Variants in PHKG2 observed in about 807,000 individuals in gnomAD.
PHKG2 encodes phosphorylase b kinase gamma catalytic chain, liver/testis isoform.
Under a neutral mutation model 44.5 loss-of-function variants are expected in PHKG2, and 28 were observed. The observed-to-expected ratio is 0.63, with a 90% CI of 0.47 to 0.86. The LOEUF (loss-of-function observed/expected upper bound fraction) is 0.86, where lower values mean the gene tolerates loss of function less well. Among genes scored for constraint, PHKG2 ranks in the 40% least tolerant of loss-of-function variants. The probability of loss-of-function intolerance (pLI) is 0.00; values close to 1 mark genes in which losing one functional copy is unlikely to be tolerated. For missense variants in PHKG2, 498 were observed against 547.5 expected (o/e 0.91, Z 0.90); for synonymous variants, 220 against 211.2 (o/e 1.04, Z -0.36).
intron 2 of PHKG2, among the ~76,000 whole-genome samples, chr16:30,749,169 G>C (rs878966100): frequency 0.026 from 1,332 of 50,978 alleles, 65 homozygotes; most frequent in Non-Finnish European, 0.042. Flanking sequence ...GGTGGTGGTG[G>C]TGCTGGTGGT....
At position 30,760,599 on chromosome 16, in the gene PHKG2, TC is replaced by T. The variant is rs1337733280; in HGVS notation, c.*3505del. On this transcript the variant is annotated 3_prime_UTR_variant, in exon 10 of 10. Coordinates refer to ENST00000563588, the MANE Select transcript of PHKG2 (RefSeq NM_000294.3). ...AGAGCTCTTCCCACGCCCCCCTCAG[TC>T]CCTACTCCCTCATCTCAGCATTGGT... The T allele has an allele frequency of 1.3e-6, 2 of 1,559,148 alleles. No individual in the cohort carries two copies. The highest frequency in any genetic ancestry group is 2.7e-5 in the African/African-American group (2 of 73,446).
chr16:30,751,045 C>G, intron 2 of PHKG2, 61 bp from the exon 3 acceptor site: 1 of 1,562,330 alleles, frequency 6.4e-7, no homozygotes, highest in Non-Finnish European at 8.8e-7. Flanking sequence ...GCTGAGGCCC[C>G]AGCCTGTGCG....
At position 30,761,174 on chromosome 16, in the gene PHKG2, T is replaced by A; in HGVS notation, c.*4077T>A. 2 of 1,612,892 alleles carry A rather than the reference T, an allele frequency of 1.2e-6. No homozygotes were observed. The highest frequency in any genetic ancestry group is 1.7e-6 in the Non-Finnish European group (2 of 1,179,254). On this transcript the variant is annotated 3_prime_UTR_variant, in exon 10 of 10. Coordinates refer to ENST00000563588, the MANE Select transcript of PHKG2 (RefSeq NM_000294.3). The stretch of plus-strand genomic sequence containing the variant: ...CAATAAAGAACGCAAATATTCAGTG[T>A]AATTTTTGTCTCTTCACACTCACCA...
In PHKG2 at chr16:30,757,706, TG is replaced by T. The variant is rs773295686; in HGVS notation, c.*615del. 2.4e-5 allele frequency: 38 copies of T among 1,554,344 alleles called. No individual in the cohort carries two copies. The highest frequency in any genetic ancestry group is 4.5e-5 in the East Asian group (2 of 43,960). On this transcript the variant is annotated 3_prime_UTR_variant, in exon 10 of 10. Coordinates refer to ENST00000563588, the MANE Select transcript of PHKG2 (RefSeq NM_000294.3). ...GGTGAGGAGAGATGCTGTCTGGCAA[TG>T]GGGGGATGGTCCCTAGTTGGGCAAA... is the stretch of plus-strand genomic sequence containing the variant.
chr16:30,760,200 C>G lies in PHKG2; in HGVS notation c.*3103C>G. ...ATGACATATTCCAGGCAGAAATCCC[C>G]TGCTTCTGCTTCCCATGGTCACTTG... is the stretch of plus-strand genomic sequence containing the variant. On this transcript the variant is annotated 3_prime_UTR_variant, in exon 10 of 10. Coordinates refer to ENST00000563588, the MANE Select transcript of PHKG2 (RefSeq NM_000294.3). 1 of 1,609,554 alleles carries G rather than the reference C, an allele frequency of 6.2e-7. No homozygotes were observed. Among genetic ancestry groups the G allele is most frequent in the Non-Finnish European group, 8.5e-7 (1 of 1,179,754 alleles).
chr16:30,749,243 C>CTGGTGCTGGTGGTGCTGG (rs1159281386), intron 2 of PHKG2, among the ~76,000 whole-genome samples: 231 of 109,968 alleles, frequency 2.1e-3, no homozygotes, highest in Non-Finnish European at 2.0e-3. Context: ...GGTGGTGGTG[C>CTGGTGCTGGTGGTGCTGG]TGGTGCTGGT....
In PHKG2 at chr16:30,751,152, C is replaced by G. The variant is rs202145162; in HGVS notation, c.142C>G (p.His48Asp). Reference sequence around the variant, plus strand: ...CCGTTGTGTTCATCGAGCTACTGGCCACGAGTTTGCGGTGAAGATTATGGA... The same window carrying G: ...CCGTTGTGTTCATCGAGCTACTGGCGACGAGTTTGCGGTGAAGATTATGGA... ...VRRCVHRATG[H>D]EFAVKIMEVT... The change falls in exon 3 of 10, where the codon CAC becomes GAC. Residue 48 changes from histidine (H) to aspartate (D), a missense_variant. Physicochemically the swap from His to Asp is moderately conservative, Grantham distance 81. Coordinates refer to ENST00000563588, the MANE Select transcript of PHKG2 (RefSeq NM_000294.3). 1 of 1,613,982 alleles carries G rather than the reference C, an allele frequency of 6.2e-7. No homozygotes were observed. The highest frequency in any genetic ancestry group is 8.5e-7 in the Non-Finnish European group (1 of 1,180,036).
rs1477697152 is a variant in PHKG2 at position 30,759,006 on chromosome 16, C to T, written c.*1909C>T. 6.2e-7 allele frequency: 1 copy of T among 1,614,222 alleles called. No homozygotes were observed. On this transcript the variant is annotated 3_prime_UTR_variant, in exon 10 of 10. Transcript: ENST00000563588. The stretch of plus-strand genomic sequence containing the variant: ...ACAGGGCAGCCTGCCCTCTCCAGAT[C>T]CTCACTTGGCTCTGGCTCTGGTGGG...
In PHKG2 at chr16:30,753,469, C is replaced by T. The variant is rs768174256; in HGVS notation, c.468C>T (p.Pro156=). The T allele has an allele frequency of 5.0e-6, 8 of 1,613,936 alleles. 1 individual carries two copies. The highest frequency in any genetic ancestry group is 3.3e-5 in the Admixed American group (2 of 59,976). Residue 156 remains proline, a synonymous_variant, in exon 6 of 10, where the codon CCC becomes CCT. Coordinates refer to ENST00000563588, the MANE Select transcript of PHKG2 (RefSeq NM_000294.3). ...ACATTGTGCATCGAGATCTGAAGCC[C>T]GAGAATATTCTCCTAGATGACAATA... ...ANNIVHRDLK[P]ENILLDDNMQ... is the part of the protein sequence containing the mutation.
chr16:30,751,086 C>T lies in PHKG2; in HGVS notation c.96-20C>T. On this transcript the variant is annotated intron_variant, in intron 2 of 9. Transcript: ENST00000563588. ...GTGAGCACAGAGGCCCTGACTTGTGCTATTTTCCGGCTCTTGCAGAGGAGT... is the reference window on the plus strand; with the variant it reads ...GTGAGCACAGAGGCCCTGACTTGTGTTATTTTCCGGCTCTTGCAGAGGAGT... The T allele has an allele frequency of 1.9e-6, 3 of 1,612,404 alleles. No individual in the cohort carries two copies. The highest frequency in any genetic ancestry group is 2.5e-6 in the Non-Finnish European group (3 of 1,179,824).
chr16:30,749,635 C>CA (rs2053319134), intron 2 of PHKG2, among the ~76,000 whole-genome samples: 1 of 152,172 alleles, frequency 6.6e-6, no homozygotes, highest in Non-Finnish European at 1.5e-5. Context: ...TGAGCCACCG[C>CA]GCCTGGTTGA....
rs932095063 is a variant in PHKG2, at chr16:30,757,646, G to C, written c.*549G>C. The C allele has an allele frequency of 6.2e-7, 1 of 1,612,054 alleles. No individual in the cohort carries two copies. Among genetic ancestry groups the C allele is most frequent in the African/African-American group, 1.3e-5 (1 of 74,920 alleles). On this transcript the variant is annotated 3_prime_UTR_variant, in exon 10 of 10. Transcript: ENST00000563588. ...GTCTTGATGTAGGCTCGGAGGACGT[G>C]GATGTGGCCTGCAGGGGCAGGGAAG...
rs923237301 is a variant in PHKG2 at position 30,759,483 on chromosome 16, A to G, written c.*2386A>G. ...GCTGTGGTGGTGACTCGGAATTAGA[A>G]CCCTGACTACCTTCCGGAGCCCTGG... On this transcript the variant is annotated 3_prime_UTR_variant, in exon 10 of 10. Transcript: ENST00000563588. The G allele has an allele frequency of 9.3e-6, 15 of 1,613,902 alleles. No homozygotes were observed. The highest frequency in any genetic ancestry group is 1.2e-5 in the Non-Finnish European group (14 of 1,180,028).
rs1011331358 is a variant in PHKG2 at position 30,759,336 on chromosome 16, C to A, written c.*2239C>A. 4.3e-6 allele frequency: 7 copies of A among 1,613,128 alleles called. No homozygotes were observed. In the East Asian group the frequency reaches 1.6e-4, roughly 36 times the overall value. On this transcript the variant is annotated 3_prime_UTR_variant, in exon 10 of 10. Coordinates refer to ENST00000563588, the MANE Select transcript of PHKG2 (RefSeq NM_000294.3). The stretch of plus-strand genomic sequence containing the variant: ...GGGTGGCTCCTCATGGTCCACCACC[C>A]CCTACCTGGGGTGTGAAGACGTATT...
In PHKG2 at chr16:30,759,873, C is replaced by T. The variant is rs1596708901; in HGVS notation, c.*2776C>T. 3 of 1,453,420 alleles carry T rather than the reference C, an allele frequency of 2.1e-6. No homozygotes were observed. Among genetic ancestry groups the T allele is most frequent in the African/African-American group, 1.4e-5 (1 of 69,996 alleles). 90.0% of individuals were successfully genotyped at this position (1,453,420 alleles called of 1,614,324 possible). On this transcript the variant is annotated 3_prime_UTR_variant, in exon 10 of 10. Transcript: ENST00000563588. ...GTTTCCTTAACTCATGTAACAAATA[C>T]TGAATACCCACTATATGCCCACTGT...
Position 30,757,806 on chromosome 16 carries a change from C to G in PHKG2, c.*709C>G. ...TCCCTTTAGGAAATGTTAGCAAGCC[C>G]TTGTGTGAGAGGTAGTTGGGTAGGG... On this transcript the variant is annotated 3_prime_UTR_variant, in exon 10 of 10. Transcript: ENST00000563588. The G allele has an allele frequency of 7.0e-7, 1 of 1,419,178 alleles. No homozygotes were observed. The highest frequency in any genetic ancestry group is 2.6e-5 in the East Asian group (1 of 38,548). 87.9% of individuals were successfully genotyped at this position (1,419,178 alleles called of 1,614,324 possible). A position where few individuals can be genotyped will look rare whatever the true frequency, so the allele number is the denominator to read the frequency against.
Position 30,759,134 on chromosome 16 carries a change from C to G in PHKG2, c.*2037C>G, listed in dbSNP as rs370922410. The G allele has an allele frequency of 2.5e-6, 4 of 1,614,166 alleles. No homozygotes were observed. The highest frequency in any genetic ancestry group is 3.4e-6 in the Non-Finnish European group (4 of 1,180,034). On this transcript the variant is annotated 3_prime_UTR_variant, in exon 10 of 10. Coordinates refer to ENST00000563588, the MANE Select transcript of PHKG2 (RefSeq NM_000294.3). ...CCAGAAGCAGGAAGAGACTGTGGCC[C>G]CAGGCCTGGCCCAGCCCAGCCCTGC... is the stretch of plus-strand genomic sequence containing the variant.
rs1292488652 is a variant in PHKG2, at chr16:30,760,588, GC to G, written c.*3497del. On this transcript the variant is annotated 3_prime_UTR_variant, in exon 10 of 10. Transcript: ENST00000563588. ...AGCCTTTGCCAAGAGCTCTTCCCAC[GC>G]CCCCCTCAGTCCCTACTCCCTCATC... 8 of 1,560,710 alleles carry G rather than the reference GC, an allele frequency of 5.1e-6. No homozygotes were observed. Among genetic ancestry groups the G allele is most frequent in the African/African-American group, 1.4e-5 (1 of 73,296 alleles).
At chr16:30,749,003 G>C in intron 2 of PHKG2, 88 bp downstream of exon 2, 1 of 10,540 alleles carries the variant, frequency 9.5e-5, no homozygotes, top group East Asian at 6.6e-4. Context: ...GTTCGCGGGT[G>C]GTGGTGGTGG....
Sources: allele counts gnomAD v4.1 joint callset (sites outside exome capture counted in the v4.1 genomes callset), GRCh38; gene constraint gnomAD v4.1.1; transcripts MANE v1.5; gene names NCBI Gene and HGNC (gene_info 2026-07-23, HGNC 2026-07-21).